OSBPL8: variants seen among roughly 807,000 people sequenced by gnomAD.
OSBPL8 encodes oxysterol-binding protein-related protein 8.
In OSBPL8, 59 loss-of-function variants were observed where a neutral mutation model predicts 125.5. The ratio of observed to expected loss-of-function variants is 0.47; its 90% CI spans 0.38 to 0.58. The LOEUF is 0.58. Ranked by LOEUF, OSBPL8 falls within the 20% of genes least tolerant of loss-of-function variation. The pLI is 0.00. For missense variants in OSBPL8, 758 were observed against 1,047.8 expected, an observed-to-expected ratio of 0.72 and a Z score of 3.82; for synonymous variants, 330 against 338.9, an observed-to-expected ratio of 0.97 and a Z score of 0.29.
At chr12:76,448,977 C>A (rs1873056108) in intron 4 of OSBPL8, among the ~76,000 whole-genome samples, 1 of 152,156 alleles carries the variant, frequency 6.6e-6, no homozygotes, top group African/African-American at 2.4e-5. Context: ...CGCGCCACTG[C>A]ACTCTAGCCT....
intron 1 of OSBPL8, among the ~76,000 whole-genome samples, chr12:76,493,997 T>A (rs1879008871): frequency 6.6e-6 from 1 of 152,198 alleles, no homozygotes; most frequent in Admixed American, 6.5e-5. Context: ...CTGTTCTTTT[T>A]AATTATTCCA....
chr12:76,442,790 T>C (rs1163815990), intron 4 of OSBPL8, among the ~76,000 whole-genome samples: 1 of 152,222 alleles, frequency 6.6e-6, no homozygotes, highest in Non-Finnish European at 1.5e-5. Flanking sequence ...AAATGATTTC[T>C]AGGTCTTTCT....
intron 1 of OSBPL8, among the ~76,000 whole-genome samples, chr12:76,533,999 T>G (rs949579036): frequency 2.0e-5 from 3 of 152,230 alleles, no homozygotes; most frequent in African/African-American, 7.2e-5. Context: ...TTGAATATGC[T>G]ACATTTTACC....
intron 12 of OSBPL8, among the ~76,000 whole-genome samples, chr12:76,388,650 G>A (rs1314464964): frequency 6.6e-6 from 1 of 152,058 alleles, no homozygotes; most frequent in East Asian, 1.9e-4. Context: ...TTTTGCATGA[G>A]GTTTTTACAT....
chr12:76,483,978 T>G (rs1219807100), intron 2 of OSBPL8, among the ~76,000 whole-genome samples: 1 of 152,036 alleles, frequency 6.6e-6, no homozygotes, highest in Non-Finnish European at 1.5e-5. Context: ...CCCGGCCTTG[T>G]AATACTCTCT....
At chr12:76,470,472 C>T (rs950190683) in intron 2 of OSBPL8, among the ~76,000 whole-genome samples, 4 of 152,132 alleles carry the variant, frequency 2.6e-5, no homozygotes, top group Non-Finnish European at 4.4e-5. Flanking sequence ...CTTCATCTTA[C>T]GACCTGTTTC....
At chr12:76,506,536 ATTTT>A (rs781409186) in intron 1 of OSBPL8, among the ~76,000 whole-genome samples, 16 of 152,192 alleles carry the variant, frequency 1.1e-4, no homozygotes, top group Non-Finnish European at 2.1e-4. Flanking sequence ...ATGAATCCTG[ATTTT>A]TTGTTTTCAA....
intron 1 of OSBPL8, among the ~76,000 whole-genome samples, chr12:76,507,979 T>A (rs576016307): frequency 6.7e-6 from 1 of 148,940 alleles, no homozygotes; most frequent in East Asian, 1.9e-4. Flanking sequence ...GAGATCAGCC[T>A]GACCAACATG....
At chr12:76,360,526 C>G (rs928738248) in intron 21 of OSBPL8, among the ~76,000 whole-genome samples, 1 of 152,148 alleles carries the variant, frequency 6.6e-6, no homozygotes, top group Middle Eastern at 3.2e-3. Flanking sequence ...GACGGTGGCC[C>G]GCTTCTCACA....
At chr12:76,497,373 T>C (rs1358319420) in intron 1 of OSBPL8, among the ~76,000 whole-genome samples, 4 of 152,196 alleles carry the variant, frequency 2.6e-5, no homozygotes, top group Non-Finnish European at 4.4e-5. Flanking sequence ...GAGTAGAGCA[T>C]ACTTTGGTGA....
intron 4 of OSBPL8, among the ~76,000 whole-genome samples, chr12:76,449,074 T>C (rs577242278): frequency 6.6e-6 from 1 of 152,294 alleles, no homozygotes; most frequent in South Asian, 2.1e-4. Flanking sequence ...GTAGTACTCA[T>C]TTGAAAAGTT....
chr12:76,528,356 T>G (rs1592857000), intron 1 of OSBPL8, among the ~76,000 whole-genome samples: 1 of 151,058 alleles, frequency 6.6e-6, no homozygotes, highest in South Asian at 2.1e-4. Flanking sequence ...AAAAGTATTA[T>G]TATTAATAAC....
intron 2 of OSBPL8, among the ~76,000 whole-genome samples, chr12:76,475,617 C>T (rs1407882881): frequency 1.3e-5 from 2 of 152,248 alleles, no homozygotes; most frequent in Admixed American, 1.3e-4. Context: ...GAATGCAAAG[C>T]CAATAAAGAA....
intron 14 of OSBPL8, among the ~76,000 whole-genome samples, chr12:76,385,363 G>C (rs934372931): frequency 7.9e-5 from 12 of 152,136 alleles, no homozygotes; most frequent in African/African-American, 2.9e-4. Flanking sequence ...TGAAAATCAT[G>C]ATTATGGATG....
chr12:76,443,209 A>C (rs1872388200), intron 4 of OSBPL8, among the ~76,000 whole-genome samples: 1 of 152,244 alleles, frequency 6.6e-6, no homozygotes, highest in African/African-American at 2.4e-5. Context: ...TGTAAGTTTT[A>C]GTAAAGCAAT....
intron 1 of OSBPL8, among the ~76,000 whole-genome samples, chr12:76,509,409 TGA>T (rs1276365625): frequency 1.3e-5 from 2 of 152,114 alleles, no homozygotes; most frequent in African/African-American, 4.8e-5. Context: ...TCTAATATAA[TGA>T]GAGATTATAT....
At chr12:76,548,525 C>CA (rs973977810) in intron 1 of OSBPL8, among the ~76,000 whole-genome samples, 5 of 151,990 alleles carry the variant, frequency 3.3e-5, no homozygotes, top group African/African-American at 1.2e-4. Context: ...TACCTCCAGG[C>CA]AAAAAAACAA....
intron 4 of OSBPL8, among the ~76,000 whole-genome samples, chr12:76,438,687 G>A (rs912207987): frequency 6.6e-6 from 1 of 152,294 alleles, no homozygotes. Flanking sequence ...TTTATCGTGA[G>A]TAGATGTTAA....
intron 1 of OSBPL8, among the ~76,000 whole-genome samples, chr12:76,511,904 G>A (rs1446553548): frequency 6.6e-6 from 1 of 152,168 alleles, no homozygotes. Context: ...TTTATATATG[G>A]TGTAAGGGGT....
Sources: allele counts gnomAD v4.1 joint callset (sites outside exome capture counted in the v4.1 genomes callset), GRCh38; gene constraint gnomAD v4.1.1; transcripts MANE v1.5; gene names NCBI Gene and HGNC (gene_info 2026-07-23, HGNC 2026-07-21).